MAML2: variants seen among roughly 807,000 people sequenced by gnomAD.
MAML2 encodes the protein mastermind like transcriptional coactivator 2, also known as mastermind-like protein 2.
A neutral mutation model predicts 96.1 loss-of-function variants in MAML2; 22 were observed. The observed-to-expected ratio is 0.23, with a 90% CI of 0.16 to 0.33. MAML2 has a LOEUF of 0.33. MAML2 is among the 10% of genes least tolerant of loss of function. The pLI, the probability that MAML2 is intolerant of heterozygous loss-of-function variation, is 1.00. For missense variants in MAML2, 1,367 were observed against 1,392.4 expected (o/e 0.98, Z 0.29); for synonymous variants, 561 against 521.3 (o/e 1.08, Z -1.04).
At chr11:96,061,470 T>A (rs1206646823) in intron 2 of MAML2, among the ~76,000 whole-genome samples, 1 of 152,274 alleles carries the variant, frequency 6.6e-6, no homozygotes, top group East Asian at 1.9e-4. Flanking sequence ...AATATAAAGG[T>A]GAAAATAAAT....
chr11:96,104,747 G>A (rs567705500), intron 1 of MAML2, among the ~76,000 whole-genome samples: 1 of 151,652 alleles, frequency 6.6e-6, no homozygotes, highest in South Asian at 2.1e-4. Flanking sequence ...AAAGAGATAA[G>A]AGAATAAAAC....
chr11:96,255,073 G>A (rs1038848216), intron 1 of MAML2, among the ~76,000 whole-genome samples: 2 of 151,926 alleles, frequency 1.3e-5, no homozygotes, highest in African/African-American at 4.8e-5. Flanking sequence ...TCCGCCCACC[G>A]CCTGCCATGG....
intron 1 of MAML2, among the ~76,000 whole-genome samples, chr11:96,190,300 G>A (rs541649744): frequency 2.0e-5 from 3 of 152,278 alleles, no homozygotes; most frequent in South Asian, 4.1e-4. Context: ...GCAGATGAGG[G>A]GATCTGTTCA....
chr11:96,158,373 A>G (rs1861046118), intron 1 of MAML2, among the ~76,000 whole-genome samples: 2 of 152,134 alleles, frequency 1.3e-5, no homozygotes, highest in African/African-American at 4.8e-5. Context: ...TGCAAGCAAT[A>G]TGCTGCCCAG....
Position 96,092,534 on chromosome 11 carries a change from C to G in MAML2, c.1497G>C (p.Gly499=). 1 of 1,597,796 alleles carries G rather than the reference C, an allele frequency of 6.3e-7. No individual in the cohort carries two copies. Among genetic ancestry groups the G allele is most frequent in the Non-Finnish European group, 8.5e-7 (1 of 1,169,882 alleles). The change falls in exon 2 of 5, where the codon GGG becomes GGC. Residue 499 remains glycine (G), a synonymous_variant. Coordinates refer to ENST00000524717, the MANE Select transcript of MAML2 (RefSeq NM_032427.4). The surrounding 1 kb of genome is among the most constrained non-coding windows in gnomAD (Gnocchi z 4.1). ...TFSPQSSPMP[G]VAGGSGQSKV... is the part of the protein sequence containing the mutation. The stretch of plus-strand genomic sequence containing the variant: ...TCGACTGGCCGCTGCCGCCAGCTAC[C>G]CCAGGCATGGGGGAGCTCTGTGGGC...
In MAML2 at chr11:95,979,855, G is replaced by A; in HGVS notation, c.2564C>T (p.Thr855Ile). 1 of 1,613,926 alleles carries A rather than the reference G, an allele frequency of 6.2e-7. No individual in the cohort carries two copies. The highest frequency in any genetic ancestry group is 1.7e-5 in the Admixed American group (1 of 60,004). ...NSSLLSTSHG[T>I]RMPSLSTAVQ... ...TGCTGTAGATAATGATGGCATTCTT[G>A]TCCCGTGAGAAGTAGACAGGAGGCT... The change falls in exon 5 of 5, where the codon ACA (threonine) becomes ATA (isoleucine). Residue 855 changes from threonine to isoleucine, a missense_variant. Physicochemically the swap from Thr to Ile is moderately conservative, Grantham distance 89 (BLOSUM62 -1). Coordinates refer to ENST00000524717, the MANE Select transcript of MAML2 (RefSeq NM_032427.4).
intron 4 of MAML2, among the ~76,000 whole-genome samples, chr11:95,984,354 C>T (rs1857791417): frequency 6.6e-6 from 1 of 152,202 alleles, no homozygotes; most frequent in Non-Finnish European, 1.5e-5. Flanking sequence ...GAAACTGCAT[C>T]TTATCTTTCA....
chr11:96,339,515 G>A (rs951788889), intron 1 of MAML2, among the ~76,000 whole-genome samples: 2 of 152,220 alleles, frequency 1.3e-5, no homozygotes, highest in Middle Eastern at 6.3e-3. Flanking sequence ...GGCCACAAGG[G>A]AAGCCCACTG....
chr11:96,148,644 G>T (rs10765795), intron 1 of MAML2, among the ~76,000 whole-genome samples: 132,460 of 148,324 alleles, frequency 0.89, 59,289 homozygotes, highest in South Asian at 0.93. Context: ...TGAAAAGTCT[G>T]AAAATTCTGA....
At chr11:96,297,738 A>G (rs1488622417) in intron 1 of MAML2, among the ~76,000 whole-genome samples, 3 of 152,172 alleles carry the variant, frequency 2.0e-5, no homozygotes, top group Non-Finnish European at 4.4e-5. Flanking sequence ...AATTGGCAAG[A>G]TTTTGTCACA....
intron 2 of MAML2, 149 bp downstream of exon 2, chr11:96,091,743 G>A (rs1859709428): frequency 8.4e-7 from 1 of 1,193,188 alleles, no homozygotes; most frequent in Non-Finnish European, 1.2e-6. Context: ...AACGAACCAG[G>A]CTTTATGAGG....
At chr11:96,052,280 A>G (rs1444994414) in intron 2 of MAML2, among the ~76,000 whole-genome samples, 2 of 152,180 alleles carry the variant, frequency 1.3e-5, no homozygotes, top group Non-Finnish European at 1.5e-5. Context: ...ATTTAGGAAC[A>G]CATACTAGGA....
intron 1 of MAML2, among the ~76,000 whole-genome samples, chr11:96,247,130 A>G (rs1258911822): frequency 6.6e-6 from 1 of 152,142 alleles, no homozygotes; most frequent in African/African-American, 2.4e-5. Context: ...AGCCCTCATT[A>G]ATGTCTTTCT....
chr11:96,189,064 G>GTT (rs201632458), intron 1 of MAML2, among the ~76,000 whole-genome samples: 2 of 141,530 alleles, frequency 1.4e-5, no homozygotes, highest in Non-Finnish European at 1.6e-5. Context: ...GCTAGAAACT[G>GTT]TTTTGTTTTT....
chr11:96,318,363 C>T (rs1591129947), intron 1 of MAML2, among the ~76,000 whole-genome samples: 1 of 152,132 alleles, frequency 6.6e-6, no homozygotes, highest in East Asian at 1.9e-4. Flanking sequence ...GATCGGACCC[C>T]AAACCTTATT....
intron 1 of MAML2, among the ~76,000 whole-genome samples, chr11:96,159,548 C>A (rs548319793): frequency 7.9e-5 from 12 of 151,936 alleles, no homozygotes; most frequent in Middle Eastern, 3.4e-3. Flanking sequence ...GCCTCAGCCT[C>A]CCGAGTTGCT....
intron 1 of MAML2, among the ~76,000 whole-genome samples, chr11:96,254,236 T>A (rs1862629716): frequency 6.6e-6 from 1 of 151,998 alleles, no homozygotes; most frequent in African/African-American, 2.4e-5. Flanking sequence ...CTAGAAAGAG[T>A]TCTAAAGTAA....
chr11:96,265,187 G>C (rs949355079), intron 1 of MAML2, among the ~76,000 whole-genome samples: 1 of 152,160 alleles, frequency 6.6e-6, no homozygotes, highest in Non-Finnish European at 1.5e-5. Context: ...AAGCAGGCAC[G>C]ATGCAAAGCA....
chr11:96,087,214 A>G (rs1859631236), intron 2 of MAML2, among the ~76,000 whole-genome samples: 1 of 152,194 alleles, frequency 6.6e-6, no homozygotes. Flanking sequence ...CGACAGAAGA[A>G]CAAAAAAGAC....
Sources: gnomAD v4.1 joint callset for allele counts (sites outside exome capture counted in the v4.1 genomes callset) on GRCh38, gnomAD v4.1.1 for gene constraint, Gnocchi (gnomAD v3.1) non-coding constraint, MANE v1.5 for transcripts, NCBI Gene and HGNC (gene_info 2026-07-23, HGNC 2026-07-21) for gene names.